TASP1: variants seen among roughly 807,000 people sequenced by gnomAD.
TASP1 encodes the protein threonine aspartase 1.
TASP1 carries 16 observed loss-of-function variants against 56.6 expected under a neutral mutation model. The observed-to-expected ratio is 0.28, with a 90% confidence interval of 0.19 to 0.43. The LOEUF (loss-of-function observed/expected upper bound fraction) is 0.43, where lower values mean the gene tolerates loss of function less well. Among genes scored for constraint, TASP1 ranks in the 20% least tolerant of loss-of-function variants. The probability of loss-of-function intolerance (pLI) is 1.00; values close to 1 mark genes in which losing one functional copy is unlikely to be tolerated. For missense variants in TASP1, 393 were observed against 511.6 expected, an observed-to-expected ratio of 0.77 and a Z score of 2.24; for synonymous variants, 179 against 184.2, an observed-to-expected ratio of 0.97 and a Z score of 0.23.
At chr20:13,221,597 G>A in the TASP1 span, among the ~76,000 whole-genome samples, 1 of 140,732 alleles carries the variant, frequency 7.1e-6, no homozygotes, top group Admixed American at 7.1e-5. Flanking sequence ...CTGCTCCCCC[G>A]GCCCCGCACA....
chr20:13,500,683 T>C (rs532784762), intron 10 of TASP1, among the ~76,000 whole-genome samples: 1 of 151,938 alleles, frequency 6.6e-6, no homozygotes, highest in Non-Finnish European at 1.5e-5. Flanking sequence ...AAAAGGATCA[T>C]TGAACTTGAT....
intron 6 of TASP1, among the ~76,000 whole-genome samples, chr20:13,580,451 A>G (rs1336688152): frequency 1.3e-5 from 2 of 152,194 alleles, no homozygotes; most frequent in African/African-American, 2.4e-5. Context: ...TGTCTCAAAA[A>G]TAAAATAAAA....
chr20:13,629,895 A>G (rs761546866), intron 2 of TASP1, 39 bp downstream of exon 2: 29 of 1,609,096 alleles, frequency 1.8e-5, no homozygotes, highest in East Asian at 1.6e-4. Context: ...AAGAAAAATC[A>G]ACATTATTGG....
the TASP1 span, among the ~76,000 whole-genome samples, chr20:13,105,267 G>GAA: frequency 0.08 from 11,973 of 149,598 alleles, 498 homozygotes; most frequent in Middle Eastern, 0.15. Context: ...CCTGCAGGAG[G>GAA]AAAAAAAAAA....
chr20:13,475,896 A>AAAAAC (rs1401626171), intron 11 of TASP1, among the ~76,000 whole-genome samples: 1 of 148,574 alleles, frequency 6.7e-6, no homozygotes, highest in Non-Finnish European at 1.5e-5. Context: ...ACTCCATCTC[A>AAAAAC]AAAACAAAAC....
chr20:13,383,216 T>G, the TASP1 span, among the ~76,000 whole-genome samples: 1 of 152,204 alleles, frequency 6.6e-6, no homozygotes, highest in Non-Finnish European at 1.5e-5. Context: ...TCCTTTTGGC[T>G]GCCAGTGCAC....
At position 13,608,791 on chromosome 20, in the gene TASP1, A is replaced by G. The variant is rs2048249127; in HGVS notation, c.282+14655T>C. Among the ~76,000 whole-genome samples the G allele has an allele frequency of 1.3e-5, 2 of 152,252 alleles. 1 individual carries two copies. The highest frequency in any genetic ancestry group is 4.1e-4 in the South Asian group (2 of 4,834). ...TCCTTGATCTAAACCACGGGGATAT[A>G]GCAGTGAACGAAACAGAAAAACATT... is the stretch of plus-strand genomic sequence containing the variant. On this transcript the variant is annotated intron_variant, in intron 4 of 13. Transcript: ENST00000337743.
the TASP1 span, among the ~76,000 whole-genome samples, chr20:13,255,922 G>C: frequency 1.6e-5 from 2 of 126,438 alleles, no homozygotes; most frequent in African/African-American, 3.2e-5. Flanking sequence ...TAAAGTTCCT[G>C]GGGTTTTTTT....
the TASP1 span, among the ~76,000 whole-genome samples, chr20:13,216,870 G>T: frequency 6.6e-6 from 1 of 152,110 alleles, no homozygotes; most frequent in Admixed American, 6.5e-5. Flanking sequence ...TCATGAACAG[G>T]AAGTTTTTAT....
intron 10 of TASP1, among the ~76,000 whole-genome samples, chr20:13,505,279 A>T (rs1160071780): frequency 1.3e-5 from 2 of 152,172 alleles, no homozygotes; most frequent in East Asian, 3.8e-4. Flanking sequence ...ATATTAACAG[A>T]TCTGAAGAGG....
chr20:13,576,266 A>C (rs2046906472), intron 6 of TASP1, among the ~76,000 whole-genome samples: 1 of 147,504 alleles, frequency 6.8e-6, no homozygotes, highest in Non-Finnish European at 1.5e-5. Context: ...AGAGAAGAGA[A>C]AGGAAGGGAA....
the TASP1 span, chr20:13,288,660 C>T: frequency 1.2e-6 from 2 of 1,613,950 alleles, no homozygotes; most frequent in South Asian, 2.2e-5. Flanking sequence ...GAATCGAGGA[C>T]CTGTGACCGT....
intron 12 of TASP1, among the ~76,000 whole-genome samples, chr20:13,426,779 T>C (rs1165183877): frequency 1.3e-5 from 2 of 152,212 alleles, no homozygotes; most frequent in African/African-American, 4.8e-5. Flanking sequence ...TCATTCCATC[T>C]GATCCTTAAA....
chr20:13,590,593 C>T (rs1465176777), intron 4 of TASP1, among the ~76,000 whole-genome samples: 1 of 152,068 alleles, frequency 6.6e-6, no homozygotes, highest in Non-Finnish European at 1.5e-5. Flanking sequence ...TTTGACCAGG[C>T]ACAGCAGCTC....
At chr20:13,220,172 CGGGT>C in the TASP1 span, among the ~76,000 whole-genome samples, 1 of 151,974 alleles carries the variant, frequency 6.6e-6, no homozygotes, top group African/African-American at 2.4e-5. Context: ...AGGGAGGGAA[CGGGT>C]AGGAGGAGGG....
the TASP1 span, among the ~76,000 whole-genome samples, chr20:13,174,166 A>T: frequency 6.6e-6 from 1 of 152,328 alleles, no homozygotes; most frequent in African/African-American, 2.4e-5. Context: ...CTCACCTTGT[A>T]GAAGTACGAA....
chr20:13,413,035 G>A (rs940999387), intron 13 of TASP1, among the ~76,000 whole-genome samples: 2 of 152,070 alleles, frequency 1.3e-5, no homozygotes, highest in Admixed American at 1.3e-4. Context: ...AGTGTGCATG[G>A]AGTGGGAGGG....
chr20:13,623,363 G>C, intron 4 of TASP1, 83 bp downstream of exon 4: 1 of 1,155,956 alleles, frequency 8.7e-7, no homozygotes, highest in Non-Finnish European at 1.3e-6. Context: ...ATTTATGGTT[G>C]ACTAACTCAA....
chr20:13,105,810 C>G, the TASP1 span, among the ~76,000 whole-genome samples: 2 of 152,046 alleles, frequency 1.3e-5, no homozygotes, highest in African/African-American at 4.8e-5. Context: ...TCTCTTTATT[C>G]CATTCAGAGG....
Sources: allele counts gnomAD v4.1 joint callset (sites outside exome capture counted in the v4.1 genomes callset), GRCh38; gene constraint gnomAD v4.1.1; transcripts MANE v1.5; gene names NCBI Gene and HGNC (gene_info 2026-07-23, HGNC 2026-07-21).